The following SCAPER variants were observed in gnomAD, a reference collection of about 807,000 sequenced individuals.
SCAPER encodes the protein S phase cyclin A-associated protein in the endoplasmic reticulum.
SCAPER carries 98 observed loss-of-function variants against 182.2 expected under a neutral mutation model. That is an observed-to-expected ratio of 0.54 (90% confidence interval 0.46 to 0.64). The LOEUF (loss-of-function observed/expected upper bound fraction) is 0.64. Ranked by LOEUF, SCAPER falls within the 30% of genes least tolerant of loss-of-function variation. The probability of loss-of-function intolerance (pLI) is 0.00; values close to 1 mark genes in which losing one functional copy is unlikely to be tolerated. For missense variants in SCAPER, 1,432 were observed against 1,690.0 expected (o/e 0.85, Z 2.68); for synonymous variants, 605 against 564.6 (o/e 1.07, Z -1.01).
At chr15:76,593,856 G>C (rs1343682679) in intron 22 of SCAPER, among the ~76,000 whole-genome samples, 1 of 120,778 alleles carries the variant, frequency 8.3e-6, no homozygotes, top group African/African-American at 2.5e-5. Context: ...GATAAATCCA[G>C]GAAGATGAGG....
intron 8 of SCAPER, among the ~76,000 whole-genome samples, chr15:76,778,725 T>G (rs892569340): frequency 6.6e-6 from 1 of 152,010 alleles, no homozygotes; most frequent in African/African-American, 2.4e-5. Context: ...AGTATTAGTT[T>G]AAGTACATTT....
At chr15:76,864,948 G>A (rs1307500557) in intron 2 of SCAPER, among the ~76,000 whole-genome samples, 5 of 151,984 alleles carry the variant, frequency 3.3e-5, no homozygotes, top group Non-Finnish European at 7.4e-5. Flanking sequence ...AAGCATTTGA[G>A]AACAATCTGC....
chr15:76,890,542 C>T (rs1703180686), intron 1 of SCAPER, among the ~76,000 whole-genome samples: 1 of 152,174 alleles, frequency 6.6e-6, no homozygotes, highest in Non-Finnish European at 1.5e-5. Context: ...ATAAACACCT[C>T]TACACAAATA....
intron 29 of SCAPER, among the ~76,000 whole-genome samples, chr15:76,358,423 A>G (rs2041160180): frequency 6.6e-6 from 1 of 152,232 alleles, no homozygotes; most frequent in African/African-American, 2.4e-5. Flanking sequence ...ACAATATACC[A>G]TAGACTGGGC....
chr15:76,568,110 G>C (rs2047170912), intron 23 of SCAPER, among the ~76,000 whole-genome samples: 1 of 150,916 alleles, frequency 6.6e-6, no homozygotes, highest in Non-Finnish European at 1.5e-5. Context: ...ACTAAATAGA[G>C]CACACTTTCC....
intron 5 of SCAPER, among the ~76,000 whole-genome samples, chr15:76,813,249 A>AAAAAAAAAAAAAAAAAAAAAAAC (rs2066805442): frequency 1.7e-5 from 1 of 60,188 alleles, no homozygotes. Flanking sequence ...AAAAAAAAAA[A>AAAAAAAAAAAAAAAAAAAAAAAC]AAAAAACAAC....
chr15:76,447,107 C>T (rs540968612), intron 25 of SCAPER, among the ~76,000 whole-genome samples: 1 of 152,092 alleles, frequency 6.6e-6, no homozygotes, highest in Non-Finnish European at 1.5e-5. Flanking sequence ...TCACCAATGG[C>T]TAATGATTTA....
At chr15:76,755,104 G>A (rs1299875358) in intron 14 of SCAPER, among the ~76,000 whole-genome samples, 1 of 152,138 alleles carries the variant, frequency 6.6e-6, no homozygotes, top group African/African-American at 2.4e-5. Context: ...AATACTTGGA[G>A]ATCATATTTA....
At chr15:76,691,920 A>C (rs1225147741) in intron 20 of SCAPER, among the ~76,000 whole-genome samples, 1 of 152,214 alleles carries the variant, frequency 6.6e-6, no homozygotes, top group Non-Finnish European at 1.5e-5. Flanking sequence ...TTTTGAAGTT[A>C]GATAAAATGT....
chr15:76,488,021 C>T (rs2051831592), intron 24 of SCAPER, among the ~76,000 whole-genome samples: 1 of 152,074 alleles, frequency 6.6e-6, no homozygotes, highest in African/African-American at 2.4e-5. Context: ...CTAGGAACCT[C>T]TCCCCATTCC....
intron 25 of SCAPER, among the ~76,000 whole-genome samples, chr15:76,455,663 TTTTTTA>T (rs1314104935): frequency 6.6e-6 from 1 of 152,174 alleles, no homozygotes; most frequent in Non-Finnish European, 1.5e-5. Context: ...TTAATTTTTA[TTTTTTA>T]TTTTTATTTT....
chr15:76,830,112 G>C (rs1390535186), intron 5 of SCAPER, among the ~76,000 whole-genome samples: 1 of 152,114 alleles, frequency 6.6e-6, no homozygotes, highest in Non-Finnish European at 1.5e-5. Context: ...GAGAAGGAGG[G>C]AAGAGTGTTC....
chr15:76,855,269 A>C (rs2071221978), intron 4 of SCAPER, among the ~76,000 whole-genome samples: 1 of 152,092 alleles, frequency 6.6e-6, no homozygotes, highest in Non-Finnish European at 1.5e-5. Flanking sequence ...ATATACAAAA[A>C]TCAACTCAAG....
chr15:76,645,442 G>A (rs1230876725), intron 21 of SCAPER, among the ~76,000 whole-genome samples: 3 of 151,722 alleles, frequency 2.0e-5, no homozygotes, highest in African/African-American at 7.3e-5. Flanking sequence ...AACAGTCATA[G>A]ACTACTTGCA....
At chr15:76,766,509 CT>C (rs2063125736) in intron 11 of SCAPER, among the ~76,000 whole-genome samples, 1 of 151,188 alleles carries the variant, frequency 6.6e-6, no homozygotes, top group South Asian at 2.1e-4. Flanking sequence ...AATTTTTTAA[CT>C]TTTTTTTAAT....
At position 76,772,051 on chromosome 15, in the gene SCAPER, A is replaced by T. The variant is rs374456902; in HGVS notation, c.1036-97T>A. On this transcript the variant is annotated intron_variant, in intron 9 of 31. Coordinates refer to ENST00000563290, the MANE Select transcript of SCAPER (RefSeq NM_020843.4). ...ATTTTGCTTAACCTATTAACTATGA[A>T]GAAGAAGAGGTACTTGACTGGATGA... 8.1e-3 allele frequency: 6 copies of T among 742 alleles called. No homozygotes were observed. The Non-Finnish European group carries it at 0.25, about 31-fold the overall frequency. The allele number at this position is 742 out of a possible 1,614,324, so 0.0% of individuals were successfully genotyped here.
chr15:76,822,350 A>C (rs2067645532), intron 5 of SCAPER, among the ~76,000 whole-genome samples: 1 of 152,236 alleles, frequency 6.6e-6, no homozygotes. Context: ...AAAAAAAAGA[A>C]AGAAAAAGAA....
intron 17 of SCAPER, among the ~76,000 whole-genome samples, chr15:76,713,361 A>T (rs913833366): frequency 1.2e-4 from 18 of 151,996 alleles, no homozygotes; most frequent in Admixed American, 2.6e-4. Flanking sequence ...TCACAATAGC[A>T]AAGACTTGGA....
chr15:76,619,795 A>T (rs868589214), intron 22 of SCAPER, among the ~76,000 whole-genome samples: 1 of 152,116 alleles, frequency 6.6e-6, no homozygotes, highest in Non-Finnish European at 1.5e-5. Context: ...TTACTCTTAA[A>T]GGTCGGGCAC....
Sources: allele counts gnomAD v4.1 joint callset (sites outside exome capture counted in the v4.1 genomes callset), GRCh38; gene constraint gnomAD v4.1.1; transcripts MANE v1.5; gene names NCBI Gene and HGNC (gene_info 2026-07-23, HGNC 2026-07-21).